CAMK2B: variants seen among roughly 807,000 people sequenced by gnomAD.
CAMK2B encodes the protein calcium/calmodulin dependent protein kinase II beta, also known as calcium/calmodulin-dependent protein kinase type II subunit beta.
In CAMK2B, 27 loss-of-function variants were observed where a neutral mutation model predicts 93.7. The ratio of observed to expected loss-of-function variants is 0.29; its 90% confidence interval spans 0.21 to 0.40. The LOEUF (loss-of-function observed/expected upper bound fraction) is 0.40. CAMK2B is among the 10% of genes least tolerant of loss of function. CAMK2B has a pLI of 1.00. For synonymous variants in CAMK2B, 374 were observed against 358.8 expected, an observed-to-expected ratio of 1.04 and a Z score of -0.48; for missense variants, 568 against 895.8, an observed-to-expected ratio of 0.63 and a Z score of 4.67.
intron 11 of CAMK2B, among the ~76,000 whole-genome samples, chr7:44,241,061 T>G (rs1454367253): frequency 6.6e-6 from 1 of 152,094 alleles, no homozygotes; most frequent in Non-Finnish European, 1.5e-5. Context: ...TCCTCTGGGG[T>G]CCAGCTCCCT....
At chr7:44,269,758 G>A (rs976613977) in intron 2 of CAMK2B, among the ~76,000 whole-genome samples, 1 of 152,110 alleles carries the variant, frequency 6.6e-6, no homozygotes, top group Admixed American at 6.5e-5. Context: ...TCCCCCTCTC[G>A]CCCAAGGGCC....
rs1019314988 is a variant in CAMK2B, at chr7:44,252,515, C to A, written c.341+2027G>T. Among the ~76,000 whole-genome samples, 5 of 93,048 alleles carry A rather than the reference C, an allele frequency of 5.4e-5. No homozygotes were observed. The South Asian group carries it at 1.9e-3, about 35-fold the overall frequency. The allele number at this position is 93,048 out of a possible 152,430, so 61.0% of individuals were successfully genotyped here. A position where few individuals can be genotyped will look rare whatever the true frequency, so the allele number is the denominator to read the frequency against. ...TGAGCAGGAGGGTGGGAGTGAGGGG[C>A]CTGTGATGGGGCACGGGCAGGGGGT... On this transcript the variant is annotated intron_variant, in intron 5 of 23. Coordinates refer to ENST00000395749, the MANE Select transcript of CAMK2B (RefSeq NM_001220.5).
intron 5 of CAMK2B, among the ~76,000 whole-genome samples, chr7:44,252,749 C>T (rs2096792058): frequency 6.6e-6 from 1 of 152,178 alleles, no homozygotes; most frequent in African/African-American, 2.4e-5. Context: ...GTCCACCTGG[C>T]CAGCAGGCAG....
intron 1 of CAMK2B, among the ~76,000 whole-genome samples, chr7:44,302,443 T>C (rs1790329446): frequency 6.6e-6 from 1 of 152,130 alleles, no homozygotes; most frequent in Non-Finnish European, 1.5e-5. Context: ...ACAAGGACAT[T>C]ATTTAAAGAA....
intron 3 of CAMK2B, 122 bp from the exon 4 acceptor site, chr7:44,259,048 G>A (rs969545723): frequency 4.5e-6 from 4 of 887,356 alleles, no homozygotes; most frequent in Admixed American, 2.0e-5. Context: ...AGAGGATCGG[G>A]CTGGGTAGGG....
At chr7:44,233,910 C>T (rs1202946813) in intron 15 of CAMK2B, among the ~76,000 whole-genome samples, 2 of 152,220 alleles carry the variant, frequency 1.3e-5, no homozygotes, top group African/African-American at 4.8e-5. Context: ...CCCCATGGGC[C>T]GTGGAATGTG....
chr7:44,231,276 C>T (rs531072963), intron 16 of CAMK2B, among the ~76,000 whole-genome samples: 25 of 152,318 alleles, frequency 1.6e-4, no homozygotes, highest in Admixed American at 7.2e-4. Context: ...CGGCAGTGAC[C>T]GGAGAAGACA....
At chr7:44,250,632 C>A (rs368240980) in intron 5 of CAMK2B, among the ~76,000 whole-genome samples, 179 of 151,302 alleles carry the variant, frequency 1.2e-3, no homozygotes, top group African/African-American at 4.0e-3. Flanking sequence ...CGGGTTCAAG[C>A]GATTCTCCTG....
rs1749121812 is a variant in CAMK2B, at chr7:44,248,954, G to A, written c.342-1762C>T. Among the ~76,000 whole-genome samples the A allele has an allele frequency of 6.6e-6, 1 of 152,038 alleles. No individual in the cohort carries two copies. The highest frequency in any genetic ancestry group is 2.4e-5 in the African/African-American group (1 of 41,376). On this transcript the variant is annotated intron_variant, in intron 5 of 23. Coordinates refer to ENST00000395749, the MANE Select transcript of CAMK2B (RefSeq NM_001220.5). This position sits in a 1 kb window ranked among gnomAD's most constrained non-coding sequence, Gnocchi z 4.1. ...CTCCTTGCTCCATATGCCCTGGGGTGTCCTGCCTTCCCTCCTCCCCATGTG... is the reference window on the plus strand; with the variant it reads ...CTCCTTGCTCCATATGCCCTGGGGTATCCTGCCTTCCCTCCTCCCCATGTG...
intron 1 of CAMK2B, among the ~76,000 whole-genome samples, chr7:44,304,286 C>T (rs552991380): frequency 1.3e-5 from 2 of 152,200 alleles, no homozygotes; most frequent in African/African-American, 4.8e-5. Context: ...ACAAAATACC[C>T]GCAAACGGAT....
chr7:44,290,704 G>C (rs907738562), intron 1 of CAMK2B, among the ~76,000 whole-genome samples: 2 of 152,240 alleles, frequency 1.3e-5, no homozygotes, highest in African/African-American at 4.8e-5. Flanking sequence ...GAGTGCCAGA[G>C]GGGGAGGTCT....
chr7:44,289,769 T>C (rs1786216109), intron 1 of CAMK2B, among the ~76,000 whole-genome samples: 1 of 152,218 alleles, frequency 6.6e-6, no homozygotes, highest in Non-Finnish European at 1.5e-5. Flanking sequence ...TGATCGTGCA[T>C]GTGATCCCCA....
chr7:44,242,421 C>T (rs1562872657), intron 9 of CAMK2B, 81 bp from the exon 10 acceptor site: 1 of 1,565,398 alleles, frequency 6.4e-7, no homozygotes, highest in Non-Finnish European at 8.7e-7. Context: ...GGCTTCATCT[C>T]CAGCCACGAA....
In CAMK2B at chr7:44,241,693, G is replaced by T. The variant is rs1268934489; in HGVS notation, c.903+7C>A. On this transcript the variant is annotated splice_region_variant and intron_variant, in intron 11 of 23. Coordinates refer to ENST00000395749, the MANE Select transcript of CAMK2B (RefSeq NM_001220.5). ...GCCGTGCCTGGGACTAGGGGCCAGG[G>T]CCTCACCTTGAGCTTTCTCCTGGCA... is the stretch of plus-strand genomic sequence containing the variant. 3 of 1,609,330 alleles carry T rather than the reference G, an allele frequency of 1.9e-6. No homozygotes were observed. Among genetic ancestry groups the T allele is most frequent in the Admixed American group, 3.3e-5 (2 of 60,016 alleles).
At chr7:44,253,602 G>A (rs986140845) in intron 5 of CAMK2B, among the ~76,000 whole-genome samples, 4 of 151,370 alleles carry the variant, frequency 2.6e-5, no homozygotes, top group Non-Finnish European at 4.4e-5. Flanking sequence ...CCTTATTTAT[G>A]TATTTATTTT....
chr7:44,306,214 G>A (rs541810615), intron 1 of CAMK2B, among the ~76,000 whole-genome samples: 2 of 152,260 alleles, frequency 1.3e-5, no homozygotes, highest in Admixed American at 1.3e-4. Flanking sequence ...TGAAAGCCAC[G>A]GTGGGCTGGG....
intron 3 of CAMK2B, 93 bp from the exon 4 acceptor site, chr7:44,259,019 G>A: frequency 2.6e-6 from 3 of 1,155,568 alleles, no homozygotes; most frequent in South Asian, 2.6e-5. Flanking sequence ...CACCAGCGGT[G>A]TAAGCCCTAG....
At chr7:44,252,398 C>T (rs539516024) in intron 5 of CAMK2B, among the ~76,000 whole-genome samples, 1 of 151,700 alleles carries the variant, frequency 6.6e-6, no homozygotes, top group Non-Finnish European at 1.5e-5. Context: ...AGAGGGGGCT[C>T]TGGGGGGCTG....
intron 3 of CAMK2B, among the ~76,000 whole-genome samples, chr7:44,260,259 C>G (rs1255065764): frequency 6.6e-6 from 1 of 152,200 alleles, no homozygotes; most frequent in Non-Finnish European, 1.5e-5. Flanking sequence ...GCTGCCAGTG[C>G]CCTCCCTCCT....
Sources: allele counts gnomAD v4.1 joint callset (sites outside exome capture counted in the v4.1 genomes callset), GRCh38; gene constraint gnomAD v4.1.1; non-coding constraint Gnocchi (gnomAD v3.1); transcripts MANE v1.5; gene names NCBI Gene and HGNC (gene_info 2026-07-23, HGNC 2026-07-21).